The following MCTP1 variants were observed in gnomAD, a reference collection of about 807,000 sequenced individuals.
The protein encoded by MCTP1 is multiple C2 and transmembrane domain-containing protein 1.
In MCTP1, 69 loss-of-function variants were observed where a neutral mutation model predicts 120.6. That is an observed-to-expected ratio of 0.57 (90% CI 0.47 to 0.70). The LOEUF (loss-of-function observed/expected upper bound fraction) is 0.70. MCTP1 is among the 30% of genes least tolerant of loss of function. The pLI, the probability that MCTP1 is intolerant of heterozygous loss-of-function variation, is 0.00. For missense variants in MCTP1, 1,203 were observed against 1,248.8 expected (o/e 0.96, Z 0.55); for synonymous variants, 529 against 493.1 (o/e 1.07, Z -0.96).
At chr5:94,801,418 C>T (rs1031126241) in intron 17 of MCTP1, among the ~76,000 whole-genome samples, 4 of 152,220 alleles carry the variant, frequency 2.6e-5, no homozygotes, top group African/African-American at 4.8e-5. Context: ...TGGGATACTA[C>T]TAACAAATTT....
At chr5:94,795,860 G>A (rs527477451) in intron 18 of MCTP1, among the ~76,000 whole-genome samples, 2 of 152,250 alleles carry the variant, frequency 1.3e-5, no homozygotes, top group African/African-American at 4.8e-5. Context: ...GTCCTTAACA[G>A]GTTCAGCTCA....
intron 17 of MCTP1, among the ~76,000 whole-genome samples, chr5:94,852,123 A>C (rs1290232370): frequency 6.6e-6 from 1 of 151,946 alleles, no homozygotes; most frequent in Non-Finnish European, 1.5e-5. Context: ...TTCATAGTTG[A>C]AACTTTGAAA....
intron 9 of MCTP1, among the ~76,000 whole-genome samples, chr5:94,912,428 C>CAAAAA (rs564439495): frequency 9.5e-5 from 3 of 31,450 alleles, no homozygotes; most frequent in African/African-American, 2.3e-4. Context: ...GAGACTCCAT[C>CAAAAA]AAAAAAAAAA....
intron 1 of MCTP1, among the ~76,000 whole-genome samples, chr5:95,113,693 T>C (rs1198694401): frequency 6.6e-6 from 1 of 152,124 alleles, no homozygotes; most frequent in Non-Finnish European, 1.5e-5. Context: ...CTAAATAAAC[T>C]TGAAAGGCAT....
At chr5:94,814,763 A>T (rs770433667) in intron 17 of MCTP1, among the ~76,000 whole-genome samples, 1 of 152,230 alleles carries the variant, frequency 6.6e-6, no homozygotes, top group Non-Finnish European at 1.5e-5. Context: ...AAAGAAAAAA[A>T]AAAGTTAAAA....
chr5:95,224,669 A>C (rs761653131), intron 1 of MCTP1, among the ~76,000 whole-genome samples: 2 of 152,098 alleles, frequency 1.3e-5, no homozygotes, highest in Non-Finnish European at 2.9e-5. Context: ...CACCACATTC[A>C]GCTAATTTTA....
At chr5:95,116,471 C>A (rs565761503) in intron 1 of MCTP1, among the ~76,000 whole-genome samples, 26 of 152,092 alleles carry the variant, frequency 1.7e-4, no homozygotes, top group Non-Finnish European at 3.4e-4. Flanking sequence ...TAGCATGATG[C>A]CTCCAGTTTT....
At chr5:94,848,821 T>C (rs1793065649) in intron 17 of MCTP1, among the ~76,000 whole-genome samples, 1 of 151,920 alleles carries the variant, frequency 6.6e-6, no homozygotes. Context: ...TTATTGCCAA[T>C]AAATAATCTG....
chr5:95,004,018 A>G (rs1834207234), intron 2 of MCTP1, among the ~76,000 whole-genome samples: 1 of 152,196 alleles, frequency 6.6e-6, no homozygotes, highest in Admixed American at 6.5e-5. Flanking sequence ...GATAGTGACA[A>G]GAACAGTGAA....
chr5:94,983,592 G>A (rs1315546564), intron 2 of MCTP1, among the ~76,000 whole-genome samples: 1 of 152,124 alleles, frequency 6.6e-6, no homozygotes, highest in Non-Finnish European at 1.5e-5. Flanking sequence ...GATCTCTTGA[G>A]CTTAGAAGTT....
chr5:94,952,174 A>AAAAAAAAG (rs1820787725), intron 3 of MCTP1, among the ~76,000 whole-genome samples: 1 of 54,718 alleles, frequency 1.8e-5, no homozygotes, highest in Non-Finnish European at 4.0e-5. Flanking sequence ...TTTGTCGCAA[A>AAAAAAAAG]AAAAAAAAAA....
At chr5:95,012,839 A>T (rs908987002) in intron 2 of MCTP1, among the ~76,000 whole-genome samples, 1 of 152,152 alleles carries the variant, frequency 6.6e-6, no homozygotes, top group African/African-American at 2.4e-5. Flanking sequence ...AGGCCCATCA[A>T]TAACCCTACA....
chr5:95,001,448 G>A (rs530765879), intron 2 of MCTP1, among the ~76,000 whole-genome samples: 2 of 152,318 alleles, frequency 1.3e-5, no homozygotes, highest in South Asian at 4.1e-4. Flanking sequence ...AAGACAGGAA[G>A]ATGAGGAAAC....
chr5:94,780,655 G>C (rs1270489205), intron 18 of MCTP1, among the ~76,000 whole-genome samples: 2 of 152,088 alleles, frequency 1.3e-5, no homozygotes, highest in African/African-American at 4.8e-5. Flanking sequence ...GACATATAAA[G>C]CAATGAAGCT....
chr5:94,910,196 A>G (rs1561843325), intron 9 of MCTP1, among the ~76,000 whole-genome samples: 1 of 151,484 alleles, frequency 6.6e-6, no homozygotes, highest in African/African-American at 2.4e-5. Context: ...GTGCATACAT[A>G]TATGTATATA....
At chr5:95,264,014 A>C (rs942540691) in intron 1 of MCTP1, among the ~76,000 whole-genome samples, 18 of 152,220 alleles carry the variant, frequency 1.2e-4, no homozygotes, top group African/African-American at 4.3e-4. Context: ...AAGTGTGATG[A>C]CAGGGACAGT....
chr5:94,941,478 T>C (rs1817702426), intron 4 of MCTP1, among the ~76,000 whole-genome samples: 1 of 152,034 alleles, frequency 6.6e-6, no homozygotes, highest in Admixed American at 6.6e-5. Context: ...TTCTACACTT[T>C]ATATTTCTCT....
chr5:95,269,265 A>G (rs894975576), intron 1 of MCTP1, among the ~76,000 whole-genome samples: 2 of 152,220 alleles, frequency 1.3e-5, no homozygotes, highest in Non-Finnish European at 1.5e-5. Flanking sequence ...TCTCCTTGTT[A>G]AAGGAATATA....
intron 1 of MCTP1, among the ~76,000 whole-genome samples, chr5:95,152,875 C>T (rs760643030): frequency 6.6e-6 from 1 of 152,148 alleles, no homozygotes; most frequent in East Asian, 1.9e-4. Context: ...GGCTCTCACT[C>T]TCCTTTCCTT....
Sources: allele counts gnomAD v4.1 joint callset (sites outside exome capture counted in the v4.1 genomes callset), GRCh38; gene constraint gnomAD v4.1.1; transcripts MANE v1.5; gene names NCBI Gene and HGNC (gene_info 2026-07-23, HGNC 2026-07-21).